Variants in TBC1D22A observed in about 807,000 individuals in gnomAD.
The protein encoded by TBC1D22A is putative GTPase activator.
A neutral mutation model predicts 60.2 loss-of-function variants in TBC1D22A; 38 were observed. The ratio of observed to expected loss-of-function variants is 0.63; its 90% CI spans 0.49 to 0.83. The LOEUF is 0.83. Among genes scored for constraint, TBC1D22A ranks in the 40% least tolerant of loss-of-function variants. The pLI, the probability that TBC1D22A is intolerant of heterozygous loss-of-function variation, is 0.00. For synonymous variants in TBC1D22A, 302 were observed against 281.7 expected (o/e 1.07, Z -0.72); for missense variants, 628 against 701.0 (o/e 0.90, Z 1.18).
chr22:47,025,086 G>A (rs187795530), intron 10 of TBC1D22A, among the ~76,000 whole-genome samples: 10 of 152,238 alleles, frequency 6.6e-5, no homozygotes, highest in Non-Finnish European at 7.4e-5. Flanking sequence ...GTGTTTATGC[G>A]TCCAATAAGA....
chr22:47,032,822 A>G (rs2062525493), intron 10 of TBC1D22A, among the ~76,000 whole-genome samples: 1 of 152,332 alleles, frequency 6.6e-6, no homozygotes, highest in Non-Finnish European at 1.5e-5. Context: ...CCAGACGTCC[A>G]CGCAGAGCTG....
chr22:46,772,684 A>G (rs6008973), intron 1 of TBC1D22A, among the ~76,000 whole-genome samples: 50,960 of 105,552 alleles, frequency 0.48, 14,344 homozygotes, highest in Middle Eastern at 0.71. Flanking sequence ...GTCTCACTCT[A>G]TCACCAGGCT....
intron 8 of TBC1D22A, among the ~76,000 whole-genome samples, chr22:46,973,453 A>G (rs73482680): frequency 0.026 from 3,991 of 152,344 alleles, 176 homozygotes; most frequent in African/African-American, 0.092. Flanking sequence ...CATCCGTATC[A>G]GGATTGTGAT....
intron 8 of TBC1D22A, among the ~76,000 whole-genome samples, chr22:46,966,663 A>G (rs1341045818): frequency 6.6e-6 from 1 of 152,246 alleles, no homozygotes; most frequent in Admixed American, 6.5e-5. Context: ...CAAAAGATAC[A>G]GAAGGTTTCT....
At chr22:46,863,913 T>A (rs1280656966) in intron 4 of TBC1D22A, among the ~76,000 whole-genome samples, 2 of 152,196 alleles carry the variant, frequency 1.3e-5, no homozygotes, top group Non-Finnish European at 2.9e-5. Flanking sequence ...TAGAGCCTTC[T>A]CTGCGAGGCC....
At chr22:46,920,839 C>T (rs998162292) in intron 8 of TBC1D22A, among the ~76,000 whole-genome samples, 8 of 151,036 alleles carry the variant, frequency 5.3e-5, no homozygotes, top group East Asian at 1.9e-4. Flanking sequence ...CGTGCGATAT[C>T]GGCTCACTGC....
chr22:47,127,468 A>C (rs1422426344), intron 12 of TBC1D22A, among the ~76,000 whole-genome samples: 1 of 139,242 alleles, frequency 7.2e-6, no homozygotes, highest in Admixed American at 7.7e-5. Flanking sequence ...CAGGTGATCC[A>C]CCCACCCCGG....
chr22:47,057,445 C>G (rs557716980), intron 11 of TBC1D22A, among the ~76,000 whole-genome samples: 1 of 152,202 alleles, frequency 6.6e-6, no homozygotes, highest in Non-Finnish European at 1.5e-5. Context: ...CACTTTCTTT[C>G]CGGGAGCCGT....
At chr22:46,806,189 C>T (rs566400422) in intron 4 of TBC1D22A, among the ~76,000 whole-genome samples, 52 of 152,196 alleles carry the variant, frequency 3.4e-4, no homozygotes, top group African/African-American at 1.1e-3. Flanking sequence ...GGCTCAGTGC[C>T]GAGCGCTGTG....
rs377010084 is a variant in TBC1D22A, at chr22:47,037,177, C to T, written c.1308C>T (p.Ile436=). 3.1e-6 allele frequency: 5 copies of T among 1,613,680 alleles called. No individual in the cohort carries two copies. The African/African-American group carries it at 6.7e-5, about 22-fold the overall frequency. The part of the protein sequence containing the change: ...LMREVPLRCT[I]RLWDTYQSEP... Reference sequence around the variant, plus strand: ...GGGAGGTGCCCCTGCGTTGTACCATCCGCCTGTGGGACACCTACCAGGTGA... The same window carrying T: ...GGGAGGTGCCCCTGCGTTGTACCATTCGCCTGTGGGACACCTACCAGGTGA... Residue 436 remains isoleucine (I), a synonymous_variant, in exon 11 of 13, where the codon ATC becomes ATT. Coordinates refer to ENST00000337137, the MANE Select transcript of TBC1D22A (RefSeq NM_014346.5).
At chr22:47,152,289 G>A (rs1207459766) in intron 12 of TBC1D22A, among the ~76,000 whole-genome samples, 2 of 152,220 alleles carry the variant, frequency 1.3e-5, no homozygotes, top group African/African-American at 4.8e-5. Flanking sequence ...CTGGGTCAGC[G>A]CAGTGGATTC....
At chr22:47,166,835 C>G (rs763017848) in intron 12 of TBC1D22A, among the ~76,000 whole-genome samples, 3 of 152,164 alleles carry the variant, frequency 2.0e-5, no homozygotes, top group Non-Finnish European at 4.4e-5. Flanking sequence ...GGAGAGAGGC[C>G]GGGGTACAGG....
intron 8 of TBC1D22A, among the ~76,000 whole-genome samples, chr22:46,933,281 G>A (rs1001757840): frequency 2.6e-5 from 4 of 152,220 alleles, no homozygotes; most frequent in African/African-American, 9.6e-5. Flanking sequence ...GCTCTGAGCA[G>A]AGGGCAGAGG....
At chr22:47,106,366 A>G (rs183551738) in intron 11 of TBC1D22A, among the ~76,000 whole-genome samples, 27 of 152,346 alleles carry the variant, frequency 1.8e-4, no homozygotes, top group African/African-American at 6.3e-4. Context: ...GGAAACCGCA[A>G]AACATCCAAG....
At chr22:47,020,657 A>G (rs2062056159) in intron 10 of TBC1D22A, among the ~76,000 whole-genome samples, 1 of 151,898 alleles carries the variant, frequency 6.6e-6, no homozygotes, top group Non-Finnish European at 1.5e-5. Flanking sequence ...AGGAGAGTGC[A>G]GTGCAGTCGG....
intron 10 of TBC1D22A, among the ~76,000 whole-genome samples, chr22:47,023,576 T>C (rs1284358717): frequency 6.6e-6 from 1 of 152,034 alleles, no homozygotes; most frequent in Non-Finnish European, 1.5e-5. Flanking sequence ...ACTACTAATA[T>C]AAAGAAAACA....
chr22:47,130,449 T>C (rs891697826), intron 12 of TBC1D22A, among the ~76,000 whole-genome samples: 1 of 152,244 alleles, frequency 6.6e-6, no homozygotes, highest in Non-Finnish European at 1.5e-5. Flanking sequence ...CCTTGAGATC[T>C]ACATGTCTGG....
At chr22:46,951,095 A>G (rs1464198011) in intron 8 of TBC1D22A, among the ~76,000 whole-genome samples, 1 of 152,170 alleles carries the variant, frequency 6.6e-6, no homozygotes, top group Non-Finnish European at 1.5e-5. Context: ...CATTGGGCCT[A>G]CCTAACCTTT....
rs187138403 is a variant in TBC1D22A at position 46,840,610 on chromosome 22, G to A, written c.638-38043G>A. On this transcript the variant is annotated intron_variant, in intron 4 of 12. Transcript: ENST00000337137. Reference sequence around the variant, plus strand: ...TAGCTGGGCATGGTAGTGTGCGCCTGTAGTCCCAGCTACTTGGGAGGCTGA... The same window carrying A: ...TAGCTGGGCATGGTAGTGTGCGCCTATAGTCCCAGCTACTTGGGAGGCTGA... Among the ~76,000 whole-genome samples, 8 of 152,246 alleles carry A rather than the reference G, an allele frequency of 5.3e-5. No homozygotes were observed. The East Asian group carries it at 1.5e-3, about 29-fold the overall frequency.
Sources: gnomAD v4.1 joint callset for allele counts (sites outside exome capture counted in the v4.1 genomes callset) on GRCh38, gnomAD v4.1.1 for gene constraint, MANE v1.5 for transcripts, NCBI Gene and HGNC (gene_info 2026-07-23, HGNC 2026-07-21) for gene names.